Variants in HPSE2 observed in about 807,000 individuals in gnomAD.
The protein encoded by HPSE2 is inactive heparanase-2.
In HPSE2, 38 loss-of-function variants were observed where a neutral mutation model predicts 60.5. The ratio of observed to expected loss-of-function variants is 0.63; its 90% CI spans 0.48 to 0.82. The LOEUF is 0.82. HPSE2 is among the 40% of genes least tolerant of loss of function. The pLI is 0.00. For missense variants in HPSE2, 713 were observed against 740.4 expected, an observed-to-expected ratio of 0.96 and a Z score of 0.43; for synonymous variants, 295 against 293.2, an observed-to-expected ratio of 1.01 and a Z score of -0.06.
chr10:98,918,780 G>A (rs1007457739), intron 3 of HPSE2, among the ~76,000 whole-genome samples: 9 of 150,594 alleles, frequency 6.0e-5, no homozygotes, highest in African/African-American at 2.2e-4. Context: ...GTATACATAT[G>A]TAACTAACCT....
intron 5 of HPSE2, among the ~76,000 whole-genome samples, chr10:98,717,727 A>G (rs76712720): frequency 0.013 from 2,028 of 152,184 alleles, 37 homozygotes; most frequent in African/African-American, 0.046. Context: ...ATTACAGATC[A>G]CCATAATAGA....
At position 99,119,255 on chromosome 10, in the gene HPSE2, G is replaced by A. The variant is rs1325239386; in HGVS notation, c.610+24983C>T. Among the ~76,000 whole-genome samples, 6 of 152,146 alleles carry A rather than the reference G, an allele frequency of 3.9e-5. No individual in the cohort carries two copies. In the East Asian group the frequency reaches 1.2e-3, roughly 29 times the overall value. On this transcript the variant is annotated intron_variant, in intron 3 of 11. Coordinates refer to ENST00000370552, the MANE Select transcript of HPSE2 (RefSeq NM_021828.5). ...ATAAATAACTTCAGCAAAGTCTCAA[G>A]ATAAAAAATCAATGTACAAAAATCA... is the stretch of plus-strand genomic sequence containing the variant.
At chr10:98,930,551 G>T (rs1413878218) in intron 3 of HPSE2, among the ~76,000 whole-genome samples, 1 of 144,392 alleles carries the variant, frequency 6.9e-6, no homozygotes, top group Non-Finnish European at 1.5e-5. Context: ...AATCTTTGAG[G>T]AGTTACCACA....
chr10:98,830,300 G>A (rs963963523), intron 3 of HPSE2, among the ~76,000 whole-genome samples: 2 of 152,256 alleles, frequency 1.3e-5, no homozygotes, highest in African/African-American at 4.8e-5. Flanking sequence ...GATAATAAAT[G>A]TGATGAAGAA....
intron 9 of HPSE2, among the ~76,000 whole-genome samples, chr10:98,568,836 A>G (rs1277330645): frequency 6.6e-6 from 1 of 152,162 alleles, no homozygotes; most frequent in Non-Finnish European, 1.5e-5. Flanking sequence ...AGAATTCCTA[A>G]TTCCTGGCAA....
intron 3 of HPSE2, among the ~76,000 whole-genome samples, chr10:98,885,000 G>T (rs998220501): frequency 6.6e-6 from 1 of 152,148 alleles, no homozygotes; most frequent in South Asian, 2.1e-4. Context: ...ATGGATCTAA[G>T]CAAAGCAAAT....
chr10:99,123,690 A>G (rs529076171), intron 3 of HPSE2, among the ~76,000 whole-genome samples: 1 of 152,348 alleles, frequency 6.6e-6, no homozygotes, highest in South Asian at 2.1e-4. Flanking sequence ...GTGACTATAC[A>G]GCTCTCAGGA....
chr10:98,734,658 T>A (rs1161305435), intron 4 of HPSE2, among the ~76,000 whole-genome samples: 2 of 152,198 alleles, frequency 1.3e-5, no homozygotes, highest in Admixed American at 6.5e-5. Context: ...TATATCCTCT[T>A]TGGAGACACA....
chr10:98,952,905 C>T (rs905986502), intron 3 of HPSE2, among the ~76,000 whole-genome samples: 2 of 152,116 alleles, frequency 1.3e-5, no homozygotes, highest in African/African-American at 4.8e-5. Context: ...TCTCTGTCTC[C>T]AAATATAGTC....
chr10:98,532,813 G>A (rs1943170761), intron 9 of HPSE2, among the ~76,000 whole-genome samples: 1 of 151,940 alleles, frequency 6.6e-6, no homozygotes, highest in South Asian at 2.1e-4. Flanking sequence ...TCTCTCTCTG[G>A]GATTCAGGGA....
the HPSE2 span, among the ~76,000 whole-genome samples, chr10:99,301,054 A>G: frequency 6.6e-6 from 1 of 152,222 alleles, no homozygotes; most frequent in African/African-American, 2.4e-5. Context: ...AATCCTTACA[A>G]TATTGACCCA....
In HPSE2 at chr10:98,941,410, A is replaced by G. The variant is rs1954996362; in HGVS notation, c.611-197354T>C. On this transcript the variant is annotated intron_variant, in intron 3 of 11. Transcript: ENST00000370552. ...TCTCAGGATACAAAATCAATGTACA[A>G]AAATCACAAGCGTTCTTATACACCA... Among the ~76,000 whole-genome samples the G allele has an allele frequency of 1.5e-5, 2 of 130,218 alleles. 1 individual carries two copies. The highest frequency in any genetic ancestry group is 1.6e-4 in the Admixed American group (2 of 12,636). 85.4% of individuals were successfully genotyped at this position (130,218 alleles called of 152,430 possible). A position where few individuals can be genotyped will look rare whatever the true frequency, so the allele number is the denominator to read the frequency against.
At position 99,009,556 on chromosome 10, in the gene HPSE2, G is replaced by A. The variant is rs141167624; in HGVS notation, c.610+134682C>T. On this transcript the variant is annotated intron_variant, in intron 3 of 11. Transcript: ENST00000370552. The stretch of plus-strand genomic sequence containing the variant: ...GTACTGATTCAACAGTGGACCAGAG[G>A]GAAAAGGCAGCCAGTTTCTTGTAGA... Among the ~76,000 whole-genome samples the A allele has an allele frequency of 1.8e-3, 268 of 152,282 alleles. 1 individual carries two copies. Among genetic ancestry groups the A allele is most frequent in the African/African-American group, 6.0e-3 (250 of 41,550 alleles).
the HPSE2 span, among the ~76,000 whole-genome samples, chr10:99,254,647 T>C: frequency 6.6e-6 from 1 of 152,378 alleles, no homozygotes; most frequent in South Asian, 2.1e-4. Context: ...ACTAAAAGTT[T>C]AGTTTTTCCT....
intron 3 of HPSE2, among the ~76,000 whole-genome samples, chr10:99,076,055 A>G (rs1842941991): frequency 6.6e-6 from 1 of 151,944 alleles, no homozygotes; most frequent in Admixed American, 6.5e-5. Context: ...TTTTTTTCAT[A>G]GGTTTTTCTC....
At chr10:98,554,233 A>T (rs1229248609) in intron 9 of HPSE2, among the ~76,000 whole-genome samples, 1 of 152,136 alleles carries the variant, frequency 6.6e-6, no homozygotes, top group African/African-American at 2.4e-5. Context: ...CAGACTATAC[A>T]ACAACATCCA....
At chr10:99,225,363 C>T (rs188491017) in intron 2 of HPSE2, among the ~76,000 whole-genome samples, 3 of 151,908 alleles carry the variant, frequency 2.0e-5, no homozygotes, top group Admixed American at 1.3e-4. Context: ...CACACCTGGG[C>T]CCCATTAATC....
intron 3 of HPSE2, among the ~76,000 whole-genome samples, chr10:98,915,084 A>C (rs1156891460): frequency 6.6e-6 from 1 of 150,514 alleles, no homozygotes; most frequent in African/African-American, 2.4e-5. Context: ...TTTTTCTTCT[A>C]TATACTTATA....
chr10:99,277,074 T>A, the HPSE2 span, among the ~76,000 whole-genome samples: 1 of 152,214 alleles, frequency 6.6e-6, no homozygotes, highest in Non-Finnish European at 1.5e-5. Context: ...TGTGGGTTTT[T>A]ATCTAATTAC....
Sources: gnomAD v4.1 joint callset for allele counts (sites outside exome capture counted in the v4.1 genomes callset) on GRCh38, gnomAD v4.1.1 for gene constraint, MANE v1.5 for transcripts, NCBI Gene and HGNC (gene_info 2026-07-23, HGNC 2026-07-21) for gene names.